GPC5: variants seen among roughly 807,000 people sequenced by gnomAD.
GPC5 encodes the protein glypican-5.
GPC5 carries 47 observed loss-of-function variants against 53.9 expected under a neutral mutation model. The observed-to-expected ratio is 0.87, with a 90% CI of 0.69 to 1.11. GPC5 has a LOEUF of 1.11. Ranked by LOEUF, GPC5 falls within the 50% of genes most tolerant of loss-of-function variation. GPC5 has a pLI of 0.00. For missense variants in GPC5, 748 were observed against 713.1 expected, an observed-to-expected ratio of 1.05 and a Z score of -0.56; for synonymous variants, 286 against 263.3, an observed-to-expected ratio of 1.09 and a Z score of -0.84.
intron 2 of GPC5, among the ~76,000 whole-genome samples, chr13:91,645,115 A>G (rs777395221): frequency 6.6e-6 from 1 of 152,240 alleles, no homozygotes; most frequent in Non-Finnish European, 1.5e-5. Context: ...TGGGATAGAC[A>G]AAAGGAATCA....
At chr13:91,530,432 C>A (rs566066532) in intron 2 of GPC5, among the ~76,000 whole-genome samples, 5 of 152,280 alleles carry the variant, frequency 3.3e-5, no homozygotes, top group Non-Finnish European at 7.4e-5. Context: ...GGTTCAACTT[C>A]TAGTATAAGA....
Position 92,340,884 on chromosome 13 carries a change from C to T in GPC5, c.1561+195895C>T, listed in dbSNP as rs546354467. On this transcript the variant is annotated intron_variant, in intron 7 of 7. Coordinates refer to ENST00000377067, the MANE Select transcript of GPC5 (RefSeq NM_004466.6). Reference sequence around the variant, plus strand: ...TGTACTATATAGCATTTAGTGTCATCGGATAGGCCAATTGGTTGTAAAATC... The same window carrying T: ...TGTACTATATAGCATTTAGTGTCATTGGATAGGCCAATTGGTTGTAAAATC... Among the ~76,000 whole-genome samples, 15 of 152,150 alleles carry T rather than the reference C, an allele frequency of 9.9e-5. No individual in the cohort carries two copies. The South Asian group carries it at 2.7e-3, about 27-fold the overall frequency.
intron 7 of GPC5, among the ~76,000 whole-genome samples, chr13:92,565,547 CAATTAA>C (rs1239138695): frequency 7.2e-5 from 11 of 151,984 alleles, no homozygotes; most frequent in Non-Finnish European, 1.5e-4. Context: ...TTTGCAGTTA[CAATTAA>C]AATTAAAATA....
intron 6 of GPC5, among the ~76,000 whole-genome samples, chr13:91,997,167 A>G (rs2138746090): frequency 6.6e-6 from 1 of 152,268 alleles, no homozygotes; most frequent in South Asian, 2.1e-4. Context: ...TAACTCACAG[A>G]ACCACCTGTA....
At chr13:91,645,202 G>C (rs773502963) in intron 2 of GPC5, among the ~76,000 whole-genome samples, 1 of 152,158 alleles carries the variant, frequency 6.6e-6, no homozygotes, top group Non-Finnish European at 1.5e-5. Flanking sequence ...TTTCTCCTGT[G>C]AGTTTAGTTC....
chr13:92,445,206 C>T (rs1162102855), intron 7 of GPC5, among the ~76,000 whole-genome samples: 1 of 150,158 alleles, frequency 6.7e-6, no homozygotes, highest in Non-Finnish European at 1.5e-5. Context: ...CCCCTCCTCT[C>T]CCCTCTCTCT....
intron 6 of GPC5, among the ~76,000 whole-genome samples, chr13:92,129,805 A>G (rs2041728721): frequency 6.6e-6 from 1 of 152,184 alleles, no homozygotes; most frequent in Non-Finnish European, 1.5e-5. Context: ...GAGATTGAAT[A>G]AAGCAGAACA....
intron 7 of GPC5, among the ~76,000 whole-genome samples, chr13:92,226,787 A>G (rs2042490073): frequency 1.3e-5 from 2 of 151,266 alleles, no homozygotes; most frequent in South Asian, 2.1e-4. Flanking sequence ...TTTAGTAGAG[A>G]TGGGTTTTCA....
At chr13:91,626,581 C>T (rs529745005) in intron 2 of GPC5, among the ~76,000 whole-genome samples, 19 of 152,124 alleles carry the variant, frequency 1.2e-4, no homozygotes, top group East Asian at 5.8e-4. Flanking sequence ...GTTGCTCTGG[C>T]GGTCGATATC....
chr13:92,816,052 G>C (rs1184983108), intron 7 of GPC5, among the ~76,000 whole-genome samples: 3 of 151,828 alleles, frequency 2.0e-5, no homozygotes, highest in Non-Finnish European at 2.9e-5. Context: ...GCCCATGAAG[G>C]GTATTTAAAG....
intron 3 of GPC5, among the ~76,000 whole-genome samples, chr13:91,706,582 A>G: frequency 6.6e-6 from 1 of 152,132 alleles, no homozygotes; most frequent in South Asian, 2.1e-4. Context: ...TTGACCTAAC[A>G]CACTGAGAAA....
intron 7 of GPC5, among the ~76,000 whole-genome samples, chr13:92,319,410 T>TAAAA (rs67635557): frequency 1.8e-5 from 2 of 108,722 alleles, no homozygotes; most frequent in African/African-American, 6.1e-5. Context: ...TCTCTGAAAC[T>TAAAA]AAAAAAAAAA....
chr13:92,396,000 T>C (rs938856268), intron 7 of GPC5, among the ~76,000 whole-genome samples: 5 of 151,762 alleles, frequency 3.3e-5, no homozygotes, highest in African/African-American at 1.2e-4. Context: ...TGGACTGATA[T>C]CTAGAATTAA....
intron 7 of GPC5, among the ~76,000 whole-genome samples, chr13:92,167,206 G>C (rs186771973): frequency 3.9e-5 from 6 of 152,180 alleles, no homozygotes; most frequent in Admixed American, 3.9e-4. Context: ...GCAGCACTGA[G>C]GAGTGTTAAC....
intron 5 of GPC5, among the ~76,000 whole-genome samples, chr13:91,758,857 T>C (rs565990118): frequency 7.9e-5 from 12 of 152,150 alleles, no homozygotes; most frequent in Non-Finnish European, 1.8e-4. Flanking sequence ...AAACAATTCT[T>C]CCAACCTCAT....
At chr13:92,295,740 C>T (rs1285925044) in intron 7 of GPC5, among the ~76,000 whole-genome samples, 1 of 152,134 alleles carries the variant, frequency 6.6e-6, no homozygotes, top group Non-Finnish European at 1.5e-5. Context: ...ACTCCTGTTG[C>T]TTTAAAGCCT....
At chr13:92,213,335 T>C (rs2042388363) in intron 7 of GPC5, among the ~76,000 whole-genome samples, 1 of 152,156 alleles carries the variant, frequency 6.6e-6, no homozygotes, top group South Asian at 2.1e-4. Flanking sequence ...GGAAGACAGA[T>C]TTTATTTCAT....
chr13:92,241,022 A>G (rs745630111), intron 7 of GPC5: 2 of 152,140 alleles, frequency 1.3e-5, no homozygotes, highest in African/African-American at 4.8e-5. Flanking sequence ...CAGTTACTAC[A>G]TTTTTGCCCA....
At chr13:91,519,588 T>C (rs1243851116) in intron 2 of GPC5, among the ~76,000 whole-genome samples, 2 of 152,348 alleles carry the variant, frequency 1.3e-5, no homozygotes, top group African/African-American at 4.8e-5. Context: ...CTGTCATGAT[T>C]GTAAGTTCCC....
Sources: allele counts gnomAD v4.1 joint callset (sites outside exome capture counted in the v4.1 genomes callset), GRCh38; gene constraint gnomAD v4.1.1; transcripts MANE v1.5; gene names NCBI Gene and HGNC (gene_info 2026-07-23, HGNC 2026-07-21).